Variants in NT5DC1 observed in about 807,000 individuals in gnomAD.
NT5DC1 encodes 5'-nucleotidase domain-containing protein 1.
In NT5DC1, 42 loss-of-function variants were observed where a neutral mutation model predicts 59.4. The observed-to-expected ratio is 0.71, with a 90% CI of 0.55 to 0.92. The LOEUF (loss-of-function observed/expected upper bound fraction) is 0.92, where lower values mean the gene tolerates loss of function less well. Among genes scored for constraint, NT5DC1 ranks in the 40% least tolerant of loss-of-function variants. NT5DC1 has a pLI of 0.00. For synonymous variants in NT5DC1, 172 were observed against 188.1 expected (o/e 0.91, Z 0.70); for missense variants, 501 against 537.1 (o/e 0.93, Z 0.66).
At chr6:116,205,700 G>T (rs185754395) in intron 6 of NT5DC1, among the ~76,000 whole-genome samples, 2 of 151,880 alleles carry the variant, frequency 1.3e-5, no homozygotes, top group Non-Finnish European at 2.9e-5. Flanking sequence ...TATTAAAAGG[G>T]TACATTTTAA....
At chr6:116,101,699 A>C (rs1778661076) in intron 1 of NT5DC1, among the ~76,000 whole-genome samples, 1 of 152,180 alleles carries the variant, frequency 6.6e-6, no homozygotes, top group Non-Finnish European at 1.5e-5. Context: ...TTGGGTCCTC[A>C]CTGTGCCCTG....
intron 6 of NT5DC1, among the ~76,000 whole-genome samples, chr6:116,199,162 A>C (rs573579927): frequency 6.6e-6 from 1 of 152,204 alleles, no homozygotes; most frequent in African/African-American, 2.4e-5. Flanking sequence ...AATGTATAAA[A>C]ATATCTTTCC....
At chr6:116,219,448 A>G (rs1327483209) in intron 6 of NT5DC1, among the ~76,000 whole-genome samples, 1 of 152,090 alleles carries the variant, frequency 6.6e-6, no homozygotes, top group Non-Finnish European at 1.5e-5. Context: ...CACTTCCTAA[A>G]CAATTCAATG....
chr6:116,118,191 G>A, intron 6 of NT5DC1: 1 of 468,440 alleles, frequency 2.1e-6, no homozygotes, highest in Non-Finnish European at 3.8e-6. Context: ...CTGCCACGAG[G>A]GTCATTCTGT....
At position 116,128,366 on chromosome 6, in the gene NT5DC1, C is replaced by T. The variant is rs995872340; in HGVS notation, c.529+10421C>T. 8.4e-4 allele frequency among the ~76,000 whole-genome samples: 128 copies of T among 152,120 alleles called. 1 individual carries two copies. The highest frequency in any genetic ancestry group is 1.6e-3 in the Non-Finnish European group (111 of 68,000). Reference sequence around the variant, plus strand: ...ACCCCACCCAATTGTGTATTTAAAACTATTTTTACTCTGGGTGTTTACTTG... The same window carrying T: ...ACCCCACCCAATTGTGTATTTAAAATTATTTTTACTCTGGGTGTTTACTTG... On this transcript the variant is annotated intron_variant, in intron 6 of 11. Transcript: ENST00000319550.
intron 8 of NT5DC1, among the ~76,000 whole-genome samples, chr6:116,224,584 G>A (rs1712809470): frequency 6.6e-6 from 1 of 152,196 alleles, no homozygotes; most frequent in Admixed American, 6.5e-5. Flanking sequence ...CAAGTGCTGA[G>A]AAGAGCAGAG....
At chr6:116,193,066 G>GAGT (rs1484441465) in intron 6 of NT5DC1, among the ~76,000 whole-genome samples, 3 of 152,088 alleles carry the variant, frequency 2.0e-5, no homozygotes, top group Non-Finnish European at 4.4e-5. Context: ...GTACAGAATA[G>GAGT]CTCCGTGCCT....
intron 9 of NT5DC1, among the ~76,000 whole-genome samples, chr6:116,237,303 C>G (rs1384570435): frequency 1.3e-5 from 2 of 152,116 alleles, no homozygotes; most frequent in African/African-American, 2.4e-5. Flanking sequence ...GAATGTTATC[C>G]TGATAACAAT....
intron 6 of NT5DC1, among the ~76,000 whole-genome samples, chr6:116,159,441 C>T (rs570030767): frequency 5.9e-5 from 9 of 152,244 alleles, no homozygotes; most frequent in African/African-American, 2.2e-4. Context: ...TTTATTGCCT[C>T]TGAGTTAAAG....
chr6:116,105,773 G>A (rs2114897796), intron 1 of NT5DC1, among the ~76,000 whole-genome samples: 1 of 151,902 alleles, frequency 6.6e-6, no homozygotes, highest in South Asian at 2.1e-4. Context: ...AGAAACAAGA[G>A]TGATTACCTG....
intron 6 of NT5DC1, among the ~76,000 whole-genome samples, chr6:116,165,439 T>G (rs1780441613): frequency 6.6e-6 from 1 of 152,260 alleles, no homozygotes; most frequent in Admixed American, 6.5e-5. Context: ...TCCAAATTGC[T>G]TACTTTTTCT....
intron 6 of NT5DC1, among the ~76,000 whole-genome samples, chr6:116,198,327 G>A (rs979134028): frequency 2.6e-5 from 4 of 152,044 alleles, no homozygotes; most frequent in Non-Finnish European, 5.9e-5. Context: ...GGCTTATATG[G>A]AGATAGGCCT....
At chr6:116,105,390 T>C (rs903819169) in intron 1 of NT5DC1, among the ~76,000 whole-genome samples, 10 of 152,214 alleles carry the variant, frequency 6.6e-5, no homozygotes, top group African/African-American at 9.6e-5. Flanking sequence ...TGTGGGTTAA[T>C]ATCTGTAGAA....
chr6:116,177,401 C>T (rs539019953), intron 6 of NT5DC1, among the ~76,000 whole-genome samples: 167 of 152,224 alleles, frequency 1.1e-3, no homozygotes, highest in Non-Finnish European at 1.5e-3. Context: ...GATTGAAACT[C>T]ACCACTCTAA....
chr6:116,101,122 G>A (rs1389026981), intron 1 of NT5DC1, 99 bp downstream of exon 1: 4 of 802,524 alleles, frequency 5.0e-6, no homozygotes, highest in Admixed American at 3.0e-5. Flanking sequence ...GCTGCCCGGG[G>A]CCTGCGGCGG....
rs185778007 is a variant in NT5DC1, at chr6:116,161,806, G to T, written c.529+43861G>T. On this transcript the variant is annotated intron_variant, in intron 6 of 11. Transcript: ENST00000319550. ...GATGGGAAGTTGCATTGACTTTCTA[G>T]ATTGCTTTGGGCAGTATAGTCATTT... is the stretch of plus-strand genomic sequence containing the variant. Among the ~76,000 whole-genome samples the T allele has an allele frequency of 2.4e-3, 373 of 152,262 alleles. 2 individuals carry two copies. Among genetic ancestry groups the T allele is most frequent in the Admixed American group, 3.8e-3 (58 of 15,294 alleles).
intron 6 of NT5DC1, among the ~76,000 whole-genome samples, chr6:116,154,594 G>C (rs760618272): frequency 5.9e-5 from 9 of 152,146 alleles, no homozygotes; most frequent in Non-Finnish European, 1.0e-4. Context: ...GTGAGGTGGT[G>C]TTTAAAACAG....
intron 9 of NT5DC1, chr6:116,237,750 C>T: frequency 3.6e-6 from 1 of 279,252 alleles, no homozygotes; most frequent in Non-Finnish European, 7.1e-6. Flanking sequence ...TTCAACCAGT[C>T]TGGGGTTGGG....
intron 6 of NT5DC1, among the ~76,000 whole-genome samples, chr6:116,159,532 G>A (rs2114422306): frequency 6.6e-6 from 1 of 152,296 alleles, no homozygotes; most frequent in East Asian, 1.9e-4. Context: ...GATGTCATGT[G>A]AATAATTTGC....
Sources: gnomAD v4.1 joint callset for allele counts (sites outside exome capture counted in the v4.1 genomes callset) on GRCh38, gnomAD v4.1.1 for gene constraint, MANE v1.5 for transcripts, NCBI Gene and HGNC (gene_info 2026-07-23, HGNC 2026-07-21) for gene names.